Variants in LDLRAD3 observed in about 807,000 individuals in gnomAD.
LDLRAD3 encodes the protein low density lipoprotein receptor class A domain containing 3.
A neutral mutation model predicts 29.4 loss-of-function variants in LDLRAD3; 20 were observed. The observed-to-expected ratio is 0.68, with a 90% CI of 0.48 to 0.99. The LOEUF (loss-of-function observed/expected upper bound fraction) is 0.99, where lower values mean the gene tolerates loss of function less well. Ranked by LOEUF, LDLRAD3 falls within the 50% of genes least tolerant of loss-of-function variation. LDLRAD3 has a pLI of 0.00. For synonymous variants in LDLRAD3, 157 were observed against 192.7 expected (o/e 0.81, Z 1.53); for missense variants, 420 against 454.3 (o/e 0.92, Z 0.69).
intron 3 of LDLRAD3, among the ~76,000 whole-genome samples, chr11:36,091,243 C>T (rs1423452688): frequency 6.6e-6 from 1 of 151,906 alleles, no homozygotes; most frequent in Non-Finnish European, 1.5e-5. Flanking sequence ...AGGAGTTTCT[C>T]ATTTATGTGT....
At chr11:36,203,172 A>C (rs1855152214) in intron 4 of LDLRAD3, among the ~76,000 whole-genome samples, 1 of 152,088 alleles carries the variant, frequency 6.6e-6, no homozygotes, top group Admixed American at 6.5e-5. Context: ...GTGCAATCAT[A>C]GTTCACCGTG....
At chr11:35,993,530 A>G (rs552502661) in intron 1 of LDLRAD3, among the ~76,000 whole-genome samples, 2 of 152,232 alleles carry the variant, frequency 1.3e-5, no homozygotes, top group South Asian at 2.1e-4. Flanking sequence ...CAAATTTAAG[A>G]TAGGGGATCA....
At chr11:35,999,021 C>A (rs1851790179) in intron 1 of LDLRAD3, among the ~76,000 whole-genome samples, 1 of 152,144 alleles carries the variant, frequency 6.6e-6, no homozygotes, top group Non-Finnish European at 1.5e-5. Flanking sequence ...CTGTGTAAAG[C>A]CCTGGATGTG....
chr11:36,074,728 G>A (rs1210221190), intron 2 of LDLRAD3, among the ~76,000 whole-genome samples: 2 of 152,152 alleles, frequency 1.3e-5, no homozygotes, highest in Non-Finnish European at 2.9e-5. Flanking sequence ...CCCTCAAAAG[G>A]TGATCAGAAC....
At chr11:35,950,167 CTCTCTGCCAGTGTAA>C (rs1425330504) in intron 1 of LDLRAD3, among the ~76,000 whole-genome samples, 1 of 151,784 alleles carries the variant, frequency 6.6e-6, no homozygotes, top group East Asian at 1.9e-4. Context: ...AGGGTAGAGG[CTCTCTGCCAGTGTAA>C]TCTCGGAGGC....
At chr11:35,978,438 C>T (rs7949056) in intron 1 of LDLRAD3, among the ~76,000 whole-genome samples, 72,437 of 151,982 alleles carry the variant, frequency 0.48, 17,867 homozygotes, top group East Asian at 0.73. Context: ...CGACCCAGTA[C>T]GGCCATCAGT....
chr11:36,158,573 A>T (rs1166112889), intron 4 of LDLRAD3, among the ~76,000 whole-genome samples: 1 of 148,586 alleles, frequency 6.7e-6, no homozygotes, highest in Non-Finnish European at 1.5e-5. Flanking sequence ...TCTCCCAAAC[A>T]ATATACCCTA....
At chr11:36,034,998 A>G (rs1852284963) in intron 1 of LDLRAD3, among the ~76,000 whole-genome samples, 1 of 152,178 alleles carries the variant, frequency 6.6e-6, no homozygotes, top group Non-Finnish European at 1.5e-5. Flanking sequence ...GCGGGTCTAG[A>G]CATCCCTGTT....
rs146567826 is a variant in LDLRAD3 at position 36,081,782 on chromosome 11, A to C, written c.319+4A>C. On this transcript the variant is annotated splice_donor_region_variant and intron_variant, in intron 3 of 5. Transcript: ENST00000315571. ...GGCAGCGATGAAGAGAACTGCAGTA[A>C]GTGCTGCGCACTTGAACACTGTGAT... The C allele has an allele frequency of 4.6e-4, 737 of 1,614,202 alleles. 2 individuals are homozygous for C. Among genetic ancestry groups the C allele is most frequent in the Non-Finnish European group, 5.9e-4 (695 of 1,180,020 alleles).
intron 4 of LDLRAD3, among the ~76,000 whole-genome samples, chr11:36,111,594 CTT>C (rs765774984): frequency 1.9e-4 from 27 of 141,974 alleles, no homozygotes; most frequent in Middle Eastern, 7.2e-3. Context: ...TCTGTTTCAT[CTT>C]TTTTTTTTTT....
At chr11:36,156,394 G>A (rs1044342539) in intron 4 of LDLRAD3, among the ~76,000 whole-genome samples, 8 of 152,242 alleles carry the variant, frequency 5.3e-5, no homozygotes, top group Non-Finnish European at 1.2e-4. Context: ...GTAGGGCCAG[G>A]TGCCTTGGCA....
At chr11:35,974,147 CT>C (rs1851448980) in intron 1 of LDLRAD3, among the ~76,000 whole-genome samples, 1 of 152,030 alleles carries the variant, frequency 6.6e-6, no homozygotes, top group African/African-American at 2.4e-5. Context: ...TTAGTCTTTT[CT>C]TTCATAGTTT....
chr11:35,984,864 A>G (rs1273354314), intron 1 of LDLRAD3, among the ~76,000 whole-genome samples: 1 of 151,372 alleles, frequency 6.6e-6, no homozygotes, highest in East Asian at 1.9e-4. Context: ...TCCTGACCTC[A>G]GGTGATCTGC....
intron 4 of LDLRAD3, among the ~76,000 whole-genome samples, chr11:36,149,157 G>A (rs1254234320): frequency 6.6e-6 from 1 of 152,190 alleles, no homozygotes; most frequent in Non-Finnish European, 1.5e-5. Flanking sequence ...GGGGAGCTTT[G>A]AACTCCATTT....
rs367580930 is a variant in LDLRAD3 at position 36,227,284 on chromosome 11, C to T, written c.654C>T (p.Ser218=). ...GGCTGCAGCACCCTGTGCTGCTGTCCCGCCTGGTGGTCCTGGACCACCCCC... is the reference window on the plus strand; with the variant it reads ...GGCTGCAGCACCCTGTGCTGCTGTCTCGCCTGGTGGTCCTGGACCACCCCC... ...VHRLQHPVLL[S]RLVVLDHPHH... is the part of the protein sequence containing the mutation. Residue 218 remains serine (S), a synonymous_variant, in exon 5 of 6, where the codon TCC becomes TCT. Transcript: ENST00000315571. 2.5e-6 allele frequency: 4 copies of T among 1,614,126 alleles called. No individual in the cohort carries two copies. The African/African-American group carries it at 5.3e-5, about 22-fold the overall frequency.
At chr11:36,066,460 G>C (rs955333170) in intron 2 of LDLRAD3, among the ~76,000 whole-genome samples, 2 of 152,020 alleles carry the variant, frequency 1.3e-5, no homozygotes, top group Non-Finnish European at 2.9e-5. Flanking sequence ...TAGAAGCAGC[G>C]GTTGGGAATA....
intron 4 of LDLRAD3, among the ~76,000 whole-genome samples, chr11:36,214,944 G>A (rs72937494): frequency 0.065 from 9,966 of 152,268 alleles, 436 homozygotes; most frequent in East Asian, 0.19. Context: ...CTGCCCTCAG[G>A]GAGTTCTATT....
intron 2 of LDLRAD3, among the ~76,000 whole-genome samples, chr11:36,058,958 G>A (rs1852660662): frequency 6.6e-6 from 1 of 152,180 alleles, no homozygotes. Flanking sequence ...CTGTGCTAGT[G>A]TAAGGCACTG....
chr11:36,181,876 C>A (rs1277432266), intron 4 of LDLRAD3, among the ~76,000 whole-genome samples: 3 of 151,916 alleles, frequency 2.0e-5, no homozygotes, highest in African/African-American at 4.8e-5. Context: ...CAACCGTCTC[C>A]TCTCTCTCTC....
Sources: gnomAD v4.1 joint callset for allele counts (sites outside exome capture counted in the v4.1 genomes callset) on GRCh38, gnomAD v4.1.1 for gene constraint, MANE v1.5 for transcripts, NCBI Gene and HGNC (gene_info 2026-07-23, HGNC 2026-07-21) for gene names.